Variants in DPPA3 observed in about 807,000 individuals in gnomAD.
The protein encoded by DPPA3 is developmental pluripotency-associated protein 3.
In DPPA3, 9 loss-of-function variants were observed where a neutral mutation model predicts 15.6. That is an observed-to-expected ratio of 0.58 (90% CI 0.35 to 1.01). The LOEUF (loss-of-function observed/expected upper bound fraction) is 1.01. Among genes scored for constraint, DPPA3 ranks in the 50% least tolerant of loss-of-function variants. The probability of loss-of-function intolerance (pLI) is 0.02; values close to 1 mark genes in which losing one functional copy is unlikely to be tolerated. For synonymous variants in DPPA3, 61 were observed against 70.9 expected, an observed-to-expected ratio of 0.86 and a Z score of 0.70; for missense variants, 148 against 194.6, an observed-to-expected ratio of 0.76 and a Z score of 1.42.
At position 7,715,499 on chromosome 12, in the gene DPPA3, G is replaced by A. The variant is rs1208344556; in HGVS notation, c.327+72G>A. On this transcript the variant is annotated intron_variant, in intron 2 of 3. Coordinates refer to ENST00000345088, the MANE Select transcript of DPPA3 (RefSeq NM_199286.4). Reference sequence around the variant, plus strand: ...CACTCATAAATTAAGACCTAATTAAGACTCCCTAGCTCTAGGCCCGGTGCG... The same window carrying A: ...CACTCATAAATTAAGACCTAATTAAAACTCCCTAGCTCTAGGCCCGGTGCG... 1.0e-5 allele frequency: 16 copies of A among 1,607,372 alleles called. No homozygotes were observed. In the East Asian group the frequency reaches 3.4e-4, roughly 34 times the overall value.
At chr12:7,713,576 G>A (rs943932279) in intron 1 of DPPA3, among the ~76,000 whole-genome samples, 12 of 152,142 alleles carry the variant, frequency 7.9e-5, no homozygotes, top group Admixed American at 5.9e-4. Context: ...TATGGGATAC[G>A]CCTCACAGTT....
rs770644477 is a variant in DPPA3 at position 7,715,490 on chromosome 12, C to T, written c.327+63C>T. 73 of 1,610,440 alleles carry T rather than the reference C, an allele frequency of 4.5e-5. No homozygotes were observed. In the Admixed American group the frequency reaches 9.2e-4, roughly 20 times the overall value. ...GGAGAGTGACACTCATAAATTAAGA[C>T]CTAATTAAGACTCCCTAGCTCTAGG... On this transcript the variant is annotated intron_variant, in intron 2 of 3. Coordinates refer to ENST00000345088, the MANE Select transcript of DPPA3 (RefSeq NM_199286.4).
intron 2 of DPPA3, 64 bp from the exon 3 acceptor site, chr12:7,716,134 G>A (rs989627950): frequency 3.7e-6 from 5 of 1,353,024 alleles, no homozygotes; most frequent in Non-Finnish European, 5.1e-6. Context: ...CCCTTATATA[G>A]ATGTGTAATA....
chr12:7,716,138 T>C lies in DPPA3; in HGVS notation c.328-60T>C, dbSNP rs767587836. The C allele has an allele frequency of 3.7e-4, 507 of 1,377,720 alleles. 3 individuals carry two copies. In the African/African-American group the frequency reaches 7.0e-3, roughly 19 times the overall value. 85.3% of individuals were successfully genotyped at this position (1,377,720 alleles called of 1,614,324 possible). A position where few individuals can be genotyped will look rare whatever the true frequency, so the allele number is the denominator to read the frequency against. On this transcript the variant is annotated intron_variant, in intron 2 of 3. Transcript: ENST00000345088. Reference sequence around the variant, plus strand: ...CTAGCTTCTCTCCCTTATATAGATGTGTAATATTAGTAATCTTTTTCTTGA... The same window carrying C: ...CTAGCTTCTCTCCCTTATATAGATGCGTAATATTAGTAATCTTTTTCTTGA...
rs914655494 is a variant in DPPA3, at chr12:7,717,232, A to G, written c.*155A>G. The G allele has an allele frequency of 9.9e-6, 6 of 604,422 alleles. No homozygotes were observed. The highest frequency in any genetic ancestry group is 1.8e-5 in the Non-Finnish European group (6 of 340,476). The allele number at this position is 604,422 out of a possible 1,614,324, so 37.4% of individuals were successfully genotyped here. A position where few individuals can be genotyped will look rare whatever the true frequency, so the allele number is the denominator to read the frequency against. ...TTTTTCTTCCTACTATGATACTAGT[A>G]ATTCATAAGGGATCTGTGTAATCTG... On this transcript the variant is annotated 3_prime_UTR_variant, in exon 4 of 4. Transcript: ENST00000345088.
chr12:7,713,450 G>C (rs1013271795), intron 1 of DPPA3, among the ~76,000 whole-genome samples: 2 of 152,170 alleles, frequency 1.3e-5, no homozygotes, highest in African/African-American at 4.8e-5. Context: ...TTTGAGAATC[G>C]ATCTCGAACT....
intron 1 of DPPA3, among the ~76,000 whole-genome samples, chr12:7,713,575 C>T (rs908466070): frequency 6.6e-6 from 1 of 152,096 alleles, no homozygotes; most frequent in Non-Finnish European, 1.5e-5. Context: ...GTATGGGATA[C>T]GCCTCACAGT....
rs1405894178 is a variant in DPPA3 at position 7,715,217 on chromosome 12, G to A, written c.117G>A (p.Lys39=). 1 of 1,613,620 alleles carries A rather than the reference G, an allele frequency of 6.2e-7. No individual in the cohort carries two copies. The highest frequency in any genetic ancestry group is 8.5e-7 in the Non-Finnish European group (1 of 1,179,820). Residue 39 remains lysine, a synonymous_variant, in exon 2 of 4, where the codon AAG becomes AAA. Transcript: ENST00000345088. ...ASQISSETLI[K]NLSNLTINAS... ...AAATCTCCTCCGAGACGTTGATAAA[G>A]AACCTTAGTAACTTGACTATCAACG...
At position 7,716,255 on chromosome 12, in the gene DPPA3, TTC is replaced by T. The variant is rs1295950750; in HGVS notation, c.369+18_369+19del. On this transcript the variant is annotated intron_variant, in intron 3 of 3. Coordinates refer to ENST00000345088, the MANE Select transcript of DPPA3 (RefSeq NM_199286.4). ...GGGAGTTAAGGTAAGTATAATTTTT[TTC>T]TTTTTATTTTCCTTTTTTTTTTTTG... 2.6e-6 allele frequency: 4 copies of T among 1,542,754 alleles called. No homozygotes were observed. The highest frequency in any genetic ancestry group is 3.5e-6 in the Non-Finnish European group (4 of 1,150,716).
chr12:7,711,464 G>A lies in DPPA3; in HGVS notation c.-107G>A, dbSNP rs985360677. ...TCTTTGACCATTCGTTGGAGCTCCGGTTTTCAGCCTCTTTCCGGGCTACCT... is the reference window on the plus strand; with the variant it reads ...TCTTTGACCATTCGTTGGAGCTCCGATTTTCAGCCTCTTTCCGGGCTACCT... On this transcript the variant is annotated 5_prime_UTR_variant, in exon 1 of 4. Coordinates refer to ENST00000345088, the MANE Select transcript of DPPA3 (RefSeq NM_199286.4). 6.0e-6 allele frequency: 6 copies of A among 1,000,136 alleles called. No homozygotes were observed. The highest frequency in any genetic ancestry group is 5.9e-5 in the Admixed American group (2 of 33,824). The allele number at this position is 1,000,136 out of a possible 1,614,324, so 62.0% of individuals were successfully genotyped here.
At chr12:7,716,280 T>TTTGGCTATATA in intron 3 of DPPA3, 41 bp downstream of exon 3, 3 of 1,468,544 alleles carry the variant, frequency 2.0e-6, no homozygotes, top group Non-Finnish European at 2.7e-6. Flanking sequence ...TTTTTTTTTT[T>TTTGGCTATATA]TGGCTATATA....
chr12:7,711,720 CTTT>C (rs3069565), intron 1 of DPPA3, 68 bp downstream of exon 1: 12,632 of 337,240 alleles, frequency 0.037, 184 homozygotes, highest in South Asian at 0.066. Flanking sequence ...AGGCTGCCGT[CTTT>C]TTTTTTTTTT....
chr12:7,716,946 C>A, intron 3 of DPPA3, 21 bp from the exon 4 acceptor site: 2 of 1,575,740 alleles, frequency 1.3e-6, no homozygotes, highest in Non-Finnish European at 1.7e-6. Flanking sequence ...CCAATTAATC[C>A]ATTTCATCAT....
chr12:7,714,419 T>C (rs997988602), intron 1 of DPPA3, among the ~76,000 whole-genome samples: 6 of 151,190 alleles, frequency 4.0e-5, no homozygotes, highest in African/African-American at 1.5e-4. Flanking sequence ...TTGGAAAAAA[T>C]TCTCGCGTAA....
At chr12:7,715,531 G>A in intron 2 of DPPA3, 104 bp downstream of exon 2, 1 of 1,555,114 alleles carries the variant, frequency 6.4e-7, no homozygotes, top group Non-Finnish European at 8.7e-7. Context: ...TGCGGTGGCT[G>A]AGGCCTGTAA....
In DPPA3 at chr12:7,717,080, C is replaced by G. The variant is rs1293717407; in HGVS notation, c.*3C>G. The G allele has an allele frequency of 2.5e-6, 4 of 1,599,198 alleles. No individual in the cohort carries two copies. Among genetic ancestry groups the G allele is most frequent in the Non-Finnish European group, 1.7e-6 (2 of 1,168,928 alleles). The stretch of plus-strand genomic sequence containing the variant: ...ACACCAAGCCACTTCAGCCATAAAT[C>G]TTATTCTTGCACCTTTTTTTCTTGG... On this transcript the variant is annotated 3_prime_UTR_variant, in exon 4 of 4. Transcript: ENST00000345088.
intron 1 of DPPA3, 44 bp downstream of exon 1, chr12:7,711,696 G>T: frequency 1.3e-6 from 2 of 1,481,692 alleles, no homozygotes; most frequent in Non-Finnish European, 1.8e-6. Flanking sequence ...CTATAGGGGG[G>T]TTGGGAGGTC....
At chr12:7,716,459 T>C (rs1428929762) in intron 3 of DPPA3, among the ~76,000 whole-genome samples, 7 of 152,014 alleles carry the variant, frequency 4.6e-5, no homozygotes, top group African/African-American at 1.7e-4. Context: ...TCATAGCCTT[T>C]CCCCCACACC....
In DPPA3 at chr12:7,715,421, T is replaced by G. The variant is rs1864388451; in HGVS notation, c.321T>G (p.Val107=). The G allele has an allele frequency of 6.2e-7, 1 of 1,613,940 alleles. No homozygotes were observed. Residue 107 remains valine (V), a synonymous_variant, in exon 2 of 4, where the codon GTT becomes GTG. Coordinates refer to ENST00000345088, the MANE Select transcript of DPPA3 (RefSeq NM_199286.4). Reference sequence around the variant, plus strand: ...TGAGATACATGTTACTCGGCGGAGTTCGTACGGTATGTTGATGTGATGTGG... The same window carrying G: ...TGAGATACATGTTACTCGGCGGAGTGCGTACGGTATGTTGATGTGATGTGG... ...ARLRYMLLGG[V]RTHERRPTNK...
Sources: gnomAD v4.1 joint callset for allele counts (sites outside exome capture counted in the v4.1 genomes callset) on GRCh38, gnomAD v4.1.1 for gene constraint, MANE v1.5 for transcripts, NCBI Gene and HGNC (gene_info 2026-07-23, HGNC 2026-07-21) for gene names.